Variants in NLRP14 observed in about 807,000 individuals in gnomAD.
The protein encoded by NLRP14 is NACHT, LRR and PYD domains-containing protein 14.
Under a neutral mutation model 94.7 loss-of-function variants are expected in NLRP14, and 105 were observed. The ratio of observed to expected loss-of-function variants is 1.11; its 90% CI spans 0.95 to 1.30. The LOEUF (loss-of-function observed/expected upper bound fraction) is 1.30, where lower values mean the gene tolerates loss of function less well. Among genes scored for constraint, NLRP14 ranks in the 50% most tolerant of loss-of-function variants. The pLI is 0.00. For missense variants in NLRP14, 1,362 were observed against 1,254.1 expected, an observed-to-expected ratio of 1.09 and a Z score of -1.30; for synonymous variants, 508 against 459.9, an observed-to-expected ratio of 1.10 and a Z score of -1.34.
At chr11:7,087,279 A>G in the NLRP14 span, among the ~76,000 whole-genome samples, 1 of 152,194 alleles carries the variant, frequency 6.6e-6, no homozygotes, top group African/African-American at 2.4e-5. Flanking sequence ...CCATGTATTG[A>G]CTTATGATTT....
chr11:7,067,361 G>C (rs555525875), intron 10 of NLRP14, among the ~76,000 whole-genome samples: 23 of 152,172 alleles, frequency 1.5e-4, no homozygotes, highest in African/African-American at 5.5e-4. Flanking sequence ...ATTTGTTTGT[G>C]TCCTCTGTTA....
chr11:7,026,645 C>T (rs1852017938), intron 1 of NLRP14, among the ~76,000 whole-genome samples: 1 of 151,918 alleles, frequency 6.6e-6, no homozygotes, highest in Non-Finnish European at 1.5e-5. Flanking sequence ...ACCCAGCCAT[C>T]CCATTACTGG....
chr11:7,040,366 C>T (rs992726276), intron 3 of NLRP14, among the ~76,000 whole-genome samples: 1 of 152,216 alleles, frequency 6.6e-6, no homozygotes, highest in Non-Finnish European at 1.5e-5. Context: ...CTCATAGGAG[C>T]ACGAACCCTA....
the NLRP14 span, chr11:7,090,358 C>A: frequency 6.6e-7 from 1 of 1,521,126 alleles, no homozygotes; most frequent in African/African-American, 1.4e-5. Context: ...AAAGAAGAAC[C>A]TGTTGTATGG....
At chr11:7,022,890 A>G (rs1248825292) in intron 1 of NLRP14, among the ~76,000 whole-genome samples, 2 of 152,214 alleles carry the variant, frequency 1.3e-5, no homozygotes, top group Non-Finnish European at 2.9e-5. Flanking sequence ...CTCTCTCAGG[A>G]GGAATATTAT....
intron 4 of NLRP14, among the ~76,000 whole-genome samples, chr11:7,045,917 A>C (rs1304131019): frequency 6.6e-6 from 1 of 152,134 alleles, no homozygotes; most frequent in Admixed American, 6.6e-5. Context: ...TGAGGCTCAC[A>C]TAGGTTAGTA....
chr11:7,032,815 C>A (rs1003113025), intron 1 of NLRP14, among the ~76,000 whole-genome samples: 1 of 152,030 alleles, frequency 6.6e-6, no homozygotes, highest in African/African-American at 2.4e-5. Flanking sequence ...ATTTTCAAGA[C>A]AATATTTTAG....
rs775979498 is a variant in NLRP14, at chr11:7,043,625, TG to T, written c.1601del (p.Gly534AlafsTer3). 5.0e-6 allele frequency: 8 copies of T among 1,614,058 alleles called. No homozygotes were observed. The African/African-American group carries it at 6.7e-5, about 13-fold the overall frequency. ...HLTQMKCFLF[G>X]LLNEDRVKQL... ...TGACACAGATGAAGTGCTTTTTGTT[TG>T]GCCTTTTGAATGAAGATCGAGTAAA... On this transcript the variant is annotated frameshift_variant, in exon 4 of 12. Transcript: ENST00000299481. LOFTEE classifies it high-confidence loss of function.
Position 7,048,798 on chromosome 11 carries a change from G to A in NLRP14, c.2124-873G>A, listed in dbSNP as rs115883941. Among the ~76,000 whole-genome samples the A allele has an allele frequency of 9.3e-3, 1,415 of 152,158 alleles. 26 individuals are homozygous for A. The highest frequency in any genetic ancestry group is 0.032 in the African/African-American group (1,331 of 41,482). ...CTGACTTCCTTTCTTAGAATGGGAGGGTTGCATCAGTGGGATGACACCATG... is the reference window on the plus strand; with the variant it reads ...CTGACTTCCTTTCTTAGAATGGGAGAGTTGCATCAGTGGGATGACACCATG... On this transcript the variant is annotated intron_variant, in intron 5 of 11. Coordinates refer to ENST00000299481, the MANE Select transcript of NLRP14 (RefSeq NM_176822.4).
chr11:7,030,289 A>T (rs1036127811), intron 1 of NLRP14, among the ~76,000 whole-genome samples: 3 of 152,226 alleles, frequency 2.0e-5, no homozygotes, highest in Admixed American at 6.5e-5. Flanking sequence ...ATGAAATTGC[A>T]CTATCCATAA....
intron 10 of NLRP14, among the ~76,000 whole-genome samples, chr11:7,067,677 C>T (rs1000494370): frequency 2.0e-5 from 3 of 152,098 alleles, no homozygotes; most frequent in African/African-American, 7.2e-5. Flanking sequence ...GACATATCTC[C>T]TGTGTACATT....
chr11:7,021,206 G>A (rs1851926412), intron 1 of NLRP14, among the ~76,000 whole-genome samples: 1 of 152,178 alleles, frequency 6.6e-6, no homozygotes, highest in Non-Finnish European at 1.5e-5. Flanking sequence ...AGCTTAATAG[G>A]CGTAATATTG....
intron 1 of NLRP14, among the ~76,000 whole-genome samples, chr11:7,026,121 A>C (rs1355294898): frequency 6.6e-6 from 1 of 152,232 alleles, no homozygotes; most frequent in Non-Finnish European, 1.5e-5. Flanking sequence ...TAAAACACCA[A>C]AAGCAATGGC....
chr11:7,043,231 G>C lies in NLRP14; in HGVS notation c.1205G>C (p.Cys402Ser). 2 of 1,614,162 alleles carry C rather than the reference G, an allele frequency of 1.2e-6. No individual in the cohort carries two copies. The highest frequency in any genetic ancestry group is 1.1e-5 in the South Asian group (1 of 91,080). ...CAAACAACCACAGCTCTGTTTACCTGCTATATTTCTAGCTTGTTCACACCA... is the reference window on the plus strand; with the variant it reads ...CAAACAACCACAGCTCTGTTTACCTCCTATATTTCTAGCTTGTTCACACCA... The part of the protein sequence containing the change: ...TCQTTTALFT[C>S]YISSLFTPVD... Residue 402 changes from cysteine to serine, a missense_variant, in exon 4 of 12, where the codon TGC becomes TCC. By Grantham distance (112) the Cys-to-Ser change is moderately radical. Transcript: ENST00000299481.
intron 1 of NLRP14, among the ~76,000 whole-genome samples, chr11:7,026,956 TATAATA>T (rs766560468): frequency 6.6e-6 from 1 of 151,576 alleles, no homozygotes; most frequent in Admixed American, 6.6e-5. Context: ...AAACTTAAAG[TATAATA>T]ATAATAATAA....
chr11:7,033,007 T>C (rs12275610), intron 1 of NLRP14, among the ~76,000 whole-genome samples: 1,826 of 152,264 alleles, frequency 0.012, 44 homozygotes, highest in African/African-American at 0.042. Context: ...AAATGGACTT[T>C]TATAATAGCT....
chr11:7,072,837 G>A (rs1318394983), downstream of NLRP14, among the ~76,000 whole-genome samples: 2 of 152,132 alleles, frequency 1.3e-5, no homozygotes, highest in Admixed American at 1.3e-4. Flanking sequence ...TTCCTTCCTG[G>A]TGGCAGTTGT....
intron 8 of NLRP14, among the ~76,000 whole-genome samples, chr11:7,059,595 G>A (rs188584358): frequency 4.6e-5 from 7 of 152,054 alleles, no homozygotes; most frequent in African/African-American, 1.7e-4. Flanking sequence ...TACTCCATCT[G>A]CCTGTTCTTC....
intron 1 of NLRP14, among the ~76,000 whole-genome samples, chr11:7,022,731 A>G (rs907665181): frequency 6.6e-6 from 1 of 152,214 alleles, no homozygotes; most frequent in Admixed American, 6.5e-5. Flanking sequence ...AGGAATAGAT[A>G]CCCAACTAGA....
Sources: gnomAD v4.1 joint callset for allele counts (sites outside exome capture counted in the v4.1 genomes callset) on GRCh38, gnomAD v4.1.1 for gene constraint, MANE v1.5 for transcripts, NCBI Gene and HGNC (gene_info 2026-07-23, HGNC 2026-07-21) for gene names.